ALDH7A1: variants seen among roughly 807,000 people sequenced by gnomAD.
The protein encoded by ALDH7A1 is aldehyde dehydrogenase 7 family member A1, also known as alpha-aminoadipic semialdehyde dehydrogenase.
ALDH7A1 carries 63 observed loss-of-function variants against 79.9 expected under a neutral mutation model. That is an observed-to-expected ratio of 0.79 (90% CI 0.64 to 0.97). The LOEUF is 0.97. Ranked by LOEUF, ALDH7A1 falls within the 50% of genes least tolerant of loss-of-function variation. ALDH7A1 has a pLI of 0.00. For synonymous variants in ALDH7A1, 240 were observed against 231.2 expected (o/e 1.04, Z -0.34); for missense variants, 627 against 665.2 (o/e 0.94, Z 0.63).
chr5:126,580,668 T>C (rs1004199834), intron 5 of ALDH7A1, among the ~76,000 whole-genome samples: 1 of 152,064 alleles, frequency 6.6e-6, no homozygotes, highest in Non-Finnish European at 1.5e-5. Context: ...TGCAGAAAAA[T>C]AGAAGAAAAT....
chr5:126,565,261 C>T (rs907244574), intron 9 of ALDH7A1, among the ~76,000 whole-genome samples: 12 of 151,910 alleles, frequency 7.9e-5, no homozygotes, highest in Non-Finnish European at 1.3e-4. Flanking sequence ...GACATGGTGG[C>T]GCATGCCTGT....
At chr5:126,568,225 G>T (rs763952323) in intron 9 of ALDH7A1, 34 bp downstream of exon 9, 6 of 1,600,614 alleles carry the variant, frequency 3.7e-6, no homozygotes. Context: ...ATATTTGAGA[G>T]AATTAAAATC....
In ALDH7A1 at chr5:126,595,062, C is replaced by T; in HGVS notation, c.137G>A (p.Gly46Glu). ...CACGCCCTCGTTTTCCTCGCGGAGCCCCAGCTCTTTCAGCCACGCATACTG... is the reference window on the plus strand; with the variant it reads ...CACGCCCTCGTTTTCCTCGCGGAGCTCCAGCTCTTTCAGCCACGCATACTG... Reference protein sequence around the residue: ...QPQYAWLKELGLREENEGVYN... With the variant: ...QPQYAWLKELELREENEGVYN... Residue 46 changes from glycine to glutamate, a missense_variant, in exon 1 of 18, where the codon GGG (glycine) becomes GAG (glutamate). Physicochemically the swap from Gly to Glu is moderately conservative, Grantham distance 98. Coordinates refer to ENST00000409134, the MANE Select transcript of ALDH7A1 (RefSeq NM_001182.5). 1 of 1,609,738 alleles carries T rather than the reference C, an allele frequency of 6.2e-7. No individual in the cohort carries two copies.
intron 11 of ALDH7A1, among the ~76,000 whole-genome samples, chr5:126,556,401 C>T (rs1006333753): frequency 1.3e-5 from 2 of 151,968 alleles, no homozygotes; most frequent in African/African-American, 4.8e-5. Context: ...CACCACCACA[C>T]CTGGCTAATT....
At chr5:126,561,322 G>T in intron 9 of ALDH7A1, 198 bp from the exon 10 acceptor site, 1 of 394,974 alleles carries the variant, frequency 2.5e-6, no homozygotes, top group Admixed American at 4.1e-5. Context: ...TTATAAAGTA[G>T]CATTACTATT....
intron 8 of ALDH7A1, chr5:126,568,722 ACTTGGGCAGGACCAGC>A: frequency 3.3e-6 from 1 of 303,152 alleles, no homozygotes; most frequent in Non-Finnish European, 6.5e-6. Context: ...AAGGATTAAA[ACTTGGGCAGGACCAGC>A]CTAGGCAACA....
chr5:126,578,666 A>C (rs1157463336), intron 5 of ALDH7A1, among the ~76,000 whole-genome samples: 1 of 151,816 alleles, frequency 6.6e-6, no homozygotes, highest in Admixed American at 6.6e-5. Context: ...GAAAGAAAAG[A>C]AAAGAAAAAA....
intron 9 of ALDH7A1, among the ~76,000 whole-genome samples, chr5:126,565,550 C>T (rs184542271): frequency 2.1e-3 from 312 of 152,188 alleles, no homozygotes; most frequent in African/African-American, 7.0e-3. Flanking sequence ...TTCTGCCATT[C>T]GGTAGGTTGT....
intron 4 of ALDH7A1, 84 bp downstream of exon 4, chr5:126,583,848 A>C (rs552100538): frequency 5.7e-6 from 7 of 1,235,210 alleles, no homozygotes; most frequent in African/African-American, 3.0e-5. Flanking sequence ...AAAAAAAAAA[A>C]ACCTCACAAT....
In ALDH7A1 at chr5:126,544,448, T is replaced by C. The variant is rs1200276468; in HGVS notation, c.*517A>G. ...TGTCATTTTAAGCACTGCAAGTTAT[T>C]CCACATGAATACTGAACTGTGGTCC... On this transcript the variant is annotated 3_prime_UTR_variant, in exon 18 of 18. Transcript: ENST00000409134. 2 of 164,234 alleles carry C rather than the reference T, an allele frequency of 1.2e-5. No individual in the cohort carries two copies. Among genetic ancestry groups the C allele is most frequent in the Admixed American group, 5.9e-5 (1 of 17,082 alleles). The allele number at this position is 164,234 out of a possible 1,614,324, so 10.2% of individuals were successfully genotyped here.
intron 5 of ALDH7A1, among the ~76,000 whole-genome samples, chr5:126,580,298 T>C (rs1751127653): frequency 1.3e-5 from 2 of 152,236 alleles, no homozygotes; most frequent in East Asian, 1.9e-4. Flanking sequence ...GGTTTTTCCA[T>C]GTTGGTCAGG....
At chr5:126,563,400 T>C (rs1362376022) in intron 9 of ALDH7A1, among the ~76,000 whole-genome samples, 1 of 152,256 alleles carries the variant, frequency 6.6e-6, no homozygotes. Context: ...TTCTCCAGTG[T>C]TGAATATATT....
At chr5:126,576,437 C>T (rs1487994058) in intron 6 of ALDH7A1, among the ~76,000 whole-genome samples, 2 of 152,030 alleles carry the variant, frequency 1.3e-5, no homozygotes, top group African/African-American at 4.8e-5. Context: ...CAGATGCAAG[C>T]AAAATGAGCT....
At chr5:126,548,195 G>T (rs1749857000) in intron 16 of ALDH7A1, among the ~76,000 whole-genome samples, 1 of 152,070 alleles carries the variant, frequency 6.6e-6, no homozygotes, top group South Asian at 2.1e-4. Flanking sequence ...TGTCACCCAG[G>T]CTGAAGTGCA....
rs144980412 is a variant in ALDH7A1 at position 126,590,574 on chromosome 5, G to A, written c.312+2090C>T. On this transcript the variant is annotated intron_variant, in intron 3 of 17. Coordinates refer to ENST00000409134, the MANE Select transcript of ALDH7A1 (RefSeq NM_001182.5). The stretch of plus-strand genomic sequence containing the variant: ...CAAAAGAAAAAAGTATGTATGTATA[G>A]GAAAACAACAATTTAAAAAAAATTA... Among the ~76,000 whole-genome samples, 739 of 152,022 alleles carry A rather than the reference G, an allele frequency of 4.9e-3. 3 individuals are homozygous for A. The highest frequency in any genetic ancestry group is 6.0e-3 in the Non-Finnish European group (408 of 67,972).
chr5:126,561,355 T>C (rs1174572645), intron 9 of ALDH7A1: 2 of 309,900 alleles, frequency 6.5e-6, no homozygotes, highest in Non-Finnish European at 1.2e-5. Flanking sequence ...AATGTCCTGA[T>C]TTTAGTAACT....
intron 7 of ALDH7A1, among the ~76,000 whole-genome samples, chr5:126,574,801 T>C (rs1750911321): frequency 6.6e-6 from 1 of 152,160 alleles, no homozygotes; most frequent in South Asian, 2.1e-4. Flanking sequence ...AGAATGCAGA[T>C]GCAACCAATG....
chr5:126,561,424 A>G (rs1215860748), intron 9 of ALDH7A1: 1 of 216,394 alleles, frequency 4.6e-6, no homozygotes, highest in African/African-American at 2.3e-5. Context: ...ATATTTAGTA[A>G]TAAAGGGGAC....
chr5:126,579,253 C>A (rs142151355), intron 5 of ALDH7A1, among the ~76,000 whole-genome samples: 11 of 152,352 alleles, frequency 7.2e-5, no homozygotes, highest in African/African-American at 2.6e-4. Flanking sequence ...AGCCTTCACA[C>A]AGGCTTCTTC....
Sources: gnomAD v4.1 joint callset for allele counts (sites outside exome capture counted in the v4.1 genomes callset) on GRCh38, gnomAD v4.1.1 for gene constraint, MANE v1.5 for transcripts, NCBI Gene and HGNC (gene_info 2026-07-23, HGNC 2026-07-21) for gene names.